The following PITPNC1 variants were observed in gnomAD, a reference collection of about 807,000 sequenced individuals.
PITPNC1 encodes cytoplasmic phosphatidylinositol transfer protein 1.
Under a neutral mutation model 44.7 loss-of-function variants are expected in PITPNC1, and 18 were observed. The observed-to-expected ratio is 0.40, with a 90% confidence interval of 0.28 to 0.60. The LOEUF (loss-of-function observed/expected upper bound fraction) is 0.60, where lower values mean the gene tolerates loss of function less well. Among genes scored for constraint, PITPNC1 ranks in the 20% least tolerant of loss-of-function variants. PITPNC1 has a pLI of 0.39. For synonymous variants in PITPNC1, 141 were observed against 149.6 expected, an observed-to-expected ratio of 0.94 and a Z score of 0.42; for missense variants, 290 against 418.4, an observed-to-expected ratio of 0.69 and a Z score of 2.68.
intron 6 of PITPNC1, among the ~76,000 whole-genome samples, chr17:67,655,703 G>A (rs1305867934): frequency 6.6e-6 from 1 of 152,176 alleles, no homozygotes; most frequent in Non-Finnish European, 1.5e-5. Context: ...AGAGGCCAAG[G>A]CAGGAAGTGT....
intron 5 of PITPNC1, among the ~76,000 whole-genome samples, chr17:67,599,870 T>A (rs1244499997): frequency 1.3e-5 from 2 of 152,166 alleles, no homozygotes; most frequent in Non-Finnish European, 2.9e-5. Context: ...TCCAAACGCA[T>A]AGCAGTGACA....
intron 8 of PITPNC1, among the ~76,000 whole-genome samples, chr17:67,691,179 C>G (rs2042920984): frequency 6.6e-6 from 1 of 151,906 alleles, no homozygotes; most frequent in African/African-American, 2.4e-5. Context: ...AGATATCAAG[C>G]CATAAAGAGC....
chr17:67,518,082 C>T (rs940980946), intron 1 of PITPNC1, among the ~76,000 whole-genome samples: 6 of 152,242 alleles, frequency 3.9e-5, no homozygotes, highest in Non-Finnish European at 2.9e-5. Context: ...ACATGCAATT[C>T]GTAAGTAAAC....
At chr17:67,394,877 A>G (rs962900275) in intron 1 of PITPNC1, among the ~76,000 whole-genome samples, 4 of 151,830 alleles carry the variant, frequency 2.6e-5, no homozygotes, top group African/African-American at 9.7e-5. Context: ...CCTGGGCAAC[A>G]GAGTGAGACC....
chr17:67,583,685 G>A (rs1396310806), intron 5 of PITPNC1, among the ~76,000 whole-genome samples: 2 of 150,156 alleles, frequency 1.3e-5, no homozygotes, highest in Admixed American at 1.3e-4. Context: ...AGGTGGGGTT[G>A]AGGCATTGGG....
chr17:67,571,142 C>T (rs977955654), intron 4 of PITPNC1, among the ~76,000 whole-genome samples: 7 of 152,212 alleles, frequency 4.6e-5, no homozygotes, highest in African/African-American at 1.7e-4. Context: ...CTTAAAACAA[C>T]ACAAGTGGCT....
intron 7 of PITPNC1, among the ~76,000 whole-genome samples, chr17:67,672,401 C>G (rs1370659736): frequency 6.6e-6 from 1 of 151,636 alleles, no homozygotes; most frequent in African/African-American, 2.4e-5. Context: ...TAGTTCGAGA[C>G]CAGCCTGGCC....
Position 67,631,657 on chromosome 17 carries a change from A to ATATATATATATAT in PITPNC1, c.367-486_367-485insTATATATATATAT, listed in dbSNP as rs10524740. On this transcript the variant is annotated intron_variant, in intron 5 of 8. Coordinates refer to ENST00000581322, the MANE Select transcript of PITPNC1 (RefSeq NM_012417.4). ...AACCAAAAAAAAAAAAAAAAAAAAAAATATATATATATATAAAATATATAT... is the reference window on the plus strand; with the variant it reads ...AACCAAAAAAAAAAAAAAAAAAAAAATATATATATATATATATATATATATATAAAATATATAT... 3.0e-3 allele frequency among the ~76,000 whole-genome samples: 23 copies of ATATATATATATAT among 7,674 alleles called. 2 individuals carry two copies. The highest frequency in any genetic ancestry group is 5.2e-3 in the African/African-American group (14 of 2,714). 5.0% of individuals were successfully genotyped at this position (7,674 alleles called of 152,430 possible).
intron 5 of PITPNC1, among the ~76,000 whole-genome samples, chr17:67,610,877 C>T (rs1361909310): frequency 3.4e-5 from 5 of 149,016 alleles, no homozygotes; most frequent in South Asian, 2.1e-4. Context: ...GCCGAGATTG[C>T]GCCACTGCAC....
intron 1 of PITPNC1, among the ~76,000 whole-genome samples, chr17:67,515,103 A>AT (rs1349180850): frequency 2.0e-5 from 3 of 152,178 alleles, no homozygotes; most frequent in African/African-American, 7.2e-5. Context: ...CTGATTTCTA[A>AT]TTTTAGAAGG....
chr17:67,471,678 G>A (rs1322072349), intron 1 of PITPNC1: 1 of 176,194 alleles, frequency 5.7e-6, no homozygotes, highest in Non-Finnish European at 1.2e-5. Context: ...TAGATTTACA[G>A]AAGAGTTGCA....
intron 5 of PITPNC1, among the ~76,000 whole-genome samples, chr17:67,589,366 T>A (rs145820054): frequency 1.9e-3 from 292 of 152,328 alleles, no homozygotes; most frequent in African/African-American, 6.8e-3. Context: ...CTTAAAGTAG[T>A]GTCTGCTTTC....
chr17:67,611,134 T>C (rs1243824892), intron 5 of PITPNC1: 1 of 151,950 alleles, frequency 6.6e-6, no homozygotes, highest in East Asian at 1.9e-4. Flanking sequence ...AAACTTTGAG[T>C]GTTAAGCTTC....
intron 1 of PITPNC1, among the ~76,000 whole-genome samples, chr17:67,443,792 G>A (rs1427792261): frequency 6.6e-6 from 1 of 151,736 alleles, no homozygotes; most frequent in East Asian, 1.9e-4. Flanking sequence ...CTGCCACCAC[G>A]CCTGGCTAAT....
intron 6 of PITPNC1, among the ~76,000 whole-genome samples, chr17:67,644,704 C>T (rs1053963827): frequency 2.6e-5 from 4 of 152,090 alleles, no homozygotes; most frequent in Non-Finnish European, 4.4e-5. Context: ...GGATTACAGG[C>T]GTGAGCCAAT....
intron 1 of PITPNC1, among the ~76,000 whole-genome samples, chr17:67,399,878 C>CT (rs1567975372): frequency 6.6e-6 from 1 of 152,138 alleles, no homozygotes; most frequent in African/African-American, 2.4e-5. Flanking sequence ...CACGGAAGAC[C>CT]TAGTCAGTCC....
chr17:67,665,478 CTA>C (rs1262400202), intron 6 of PITPNC1, among the ~76,000 whole-genome samples: 2 of 152,102 alleles, frequency 1.3e-5, no homozygotes, highest in Non-Finnish European at 1.5e-5. Context: ...AATGGTAACC[CTA>C]TGTTTAATCT....
chr17:67,460,263 T>A (rs894935637), intron 1 of PITPNC1, among the ~76,000 whole-genome samples: 8 of 152,180 alleles, frequency 5.3e-5, no homozygotes. Context: ...GTTTAAGGCA[T>A]CAGGGTGTTC....
chr17:67,378,901 G>A, intron 1 of PITPNC1: 1 of 856,976 alleles, frequency 1.2e-6, no homozygotes, highest in Non-Finnish European at 1.4e-6. Context: ...ACAGGAGGGC[G>A]CTCCAGCACG....
Sources: gnomAD v4.1 joint callset for allele counts (sites outside exome capture counted in the v4.1 genomes callset) on GRCh38, gnomAD v4.1.1 for gene constraint, MANE v1.5 for transcripts, NCBI Gene and HGNC (gene_info 2026-07-23, HGNC 2026-07-21) for gene names.